HELZ: variants seen among roughly 807,000 people sequenced by gnomAD.
The protein encoded by HELZ is ATP-dependent RNA helicase with zinc finger domain.
In HELZ, 23 loss-of-function variants were observed where a neutral mutation model predicts 218.2. The observed-to-expected ratio is 0.11, with a 90% confidence interval of 0.08 to 0.15. HELZ has a LOEUF of 0.15. Ranked by LOEUF, HELZ falls within the 10% of genes least tolerant of loss-of-function variation. The probability of loss-of-function intolerance (pLI) is 1.00; values close to 1 mark genes in which losing one functional copy is unlikely to be tolerated. For missense variants in HELZ, 1,813 were observed against 2,353.7 expected (o/e 0.77, Z 4.75); for synonymous variants, 814 against 829.4 (o/e 0.98, Z 0.32).
chr17:67,201,847 T>C (rs553219668), intron 6 of HELZ, among the ~76,000 whole-genome samples: 112 of 152,318 alleles, frequency 7.4e-4, no homozygotes, highest in African/African-American at 2.6e-3. Context: ...AATTTTTCTA[T>C]GCTAATACAT....
chr17:67,194,217 T>C (rs372592113), intron 8 of HELZ, among the ~76,000 whole-genome samples, 175 bp from the exon 9 acceptor site: 4 of 152,126 alleles, frequency 2.6e-5, no homozygotes, highest in East Asian at 1.9e-4. Context: ...ACATAAAACA[T>C]AGGAATCACT....
Position 67,075,548 on chromosome 17 carries a change from A to G in HELZ, c.*2704T>C, listed in dbSNP as rs1198477363. The G allele has an allele frequency of 6.6e-6, 1 of 152,228 alleles. No individual in the cohort carries two copies. The highest frequency in any genetic ancestry group is 2.4e-5 in the African/African-American group (1 of 41,460). The allele number at this position is 152,228 out of a possible 1,614,324, so 9.4% of individuals were successfully genotyped here. ...ACTACTACTCAAGTAATACCCAAAG[A>G]ACATCAGCTGTACTCAGAAGACACG... On this transcript the variant is annotated 3_prime_UTR_variant, in exon 33 of 33. Coordinates refer to ENST00000358691, the MANE Select transcript of HELZ (RefSeq NM_014877.4).
At chr17:67,241,167 A>G (rs886185892) in intron 2 of HELZ, among the ~76,000 whole-genome samples, 2 of 152,230 alleles carry the variant, frequency 1.3e-5, no homozygotes, top group African/African-American at 4.8e-5. Flanking sequence ...ATTTCAAAAC[A>G]TTACTTAGAA....
Position 67,188,069 on chromosome 17 carries a change from G to T in HELZ, c.1162+250C>A. On this transcript the variant is annotated intron_variant, in intron 12 of 32. Coordinates refer to ENST00000358691, the MANE Select transcript of HELZ (RefSeq NM_014877.4). This position sits in a 1 kb window ranked among gnomAD's most constrained non-coding sequence, Gnocchi z 4.1. ...AAATGAAACTGGTAGACCAAAACAG[G>T]TCTGATCATCTACTCATACAAGTTT... The T allele has an allele frequency of 2.5e-6, 1 of 407,422 alleles. No homozygotes were observed. The highest frequency in any genetic ancestry group is 4.4e-6 in the Non-Finnish European group (1 of 226,898). 25.2% of individuals were successfully genotyped at this position (407,422 alleles called of 1,614,324 possible). A position where few individuals can be genotyped will look rare whatever the true frequency, so the allele number is the denominator to read the frequency against.
chr17:67,165,241 T>C (rs991006867), intron 15 of HELZ, among the ~76,000 whole-genome samples: 1 of 152,054 alleles, frequency 6.6e-6, no homozygotes, highest in African/African-American at 2.4e-5. Context: ...ACAGTAAGAG[T>C]AAGCAAAACA....
chr17:67,131,766 C>T (rs906315148), intron 23 of HELZ, among the ~76,000 whole-genome samples: 1 of 152,126 alleles, frequency 6.6e-6, no homozygotes, highest in Non-Finnish European at 1.5e-5. Context: ...ATTTGTGTCT[C>T]ACTTCTAAAC....
At chr17:67,090,082 T>C (rs563294818) in intron 31 of HELZ, among the ~76,000 whole-genome samples, 1 of 152,260 alleles carries the variant, frequency 6.6e-6, no homozygotes, top group African/African-American at 2.4e-5. Flanking sequence ...AAGAAGTTCC[T>C]TTCCATTTCT....
chr17:67,181,031 G>C (rs779472811), intron 12 of HELZ, among the ~76,000 whole-genome samples: 2 of 151,892 alleles, frequency 1.3e-5, no homozygotes, highest in Admixed American at 1.3e-4. Flanking sequence ...CCAGCCTGGC[G>C]ACAGAGCCAG....
rs148528841 is a variant in HELZ, at chr17:67,138,061, C to T, written c.2823G>A (p.Ala941=). ...TACTGCCATCATCTAACTTCCCCCA[C>T]GCTACTGGCCACTTCCTTCTTAACT... The part of the protein sequence containing the change: ...VEELRRKWPV[A]WGKLDDGSIG... Residue 941 remains alanine (A), a synonymous_variant, in exon 22 of 33, where the codon GCG becomes GCA. Coordinates refer to ENST00000358691, the MANE Select transcript of HELZ (RefSeq NM_014877.4). 2.4e-4 allele frequency: 385 copies of T among 1,613,840 alleles called. 3 individuals are homozygous for T. In the East Asian group the frequency reaches 5.0e-3, roughly 21 times the overall value.
At chr17:67,131,311 C>G (rs949857880) in intron 23 of HELZ, among the ~76,000 whole-genome samples, 1 of 152,168 alleles carries the variant, frequency 6.6e-6, no homozygotes, top group Admixed American at 6.5e-5. Context: ...GTTCCTATAT[C>G]ACCCTCACTG....
At chr17:67,223,241 CAG>C (rs1355662567) in intron 3 of HELZ, among the ~76,000 whole-genome samples, 1 of 151,822 alleles carries the variant, frequency 6.6e-6, no homozygotes. Context: ...GCCTGGGCAA[CAG>C]AGCGAGATTC....
At chr17:67,167,304 CTGGGAGTTACTACAGG>C (rs1280590241) in intron 14 of HELZ, among the ~76,000 whole-genome samples, 143 bp downstream of exon 14, 2 of 152,180 alleles carry the variant, frequency 1.3e-5, no homozygotes, top group African/African-American at 2.4e-5. Flanking sequence ...TCACTTTTCT[CTGGGAGTTACTACAGG>C]TGCAATTTTC....
intron 20 of HELZ, 73 bp from the exon 21 acceptor site, chr17:67,145,963 A>AC: frequency 7.4e-7 from 1 of 1,357,070 alleles, no homozygotes; most frequent in Non-Finnish European, 1.0e-6. Flanking sequence ...AGAAAAAAAA[A>AC]ATCAGTCGAT....
chr17:67,241,714 A>G (rs987599918), intron 2 of HELZ, among the ~76,000 whole-genome samples: 1 of 152,234 alleles, frequency 6.6e-6, no homozygotes, highest in African/African-American at 2.4e-5. Flanking sequence ...TTACCAGCTA[A>G]TAGAAAGGTA....
At chr17:67,172,945 G>T in intron 13 of HELZ, 1 of 511,928 alleles carries the variant, frequency 2.0e-6, no homozygotes, top group Non-Finnish European at 2.5e-6. Context: ...GTCTATTTGA[G>T]AATCACCATC....
chr17:67,137,206 T>G (rs756598362), intron 22 of HELZ, among the ~76,000 whole-genome samples: 9 of 152,208 alleles, frequency 5.9e-5, no homozygotes, highest in Non-Finnish European at 1.0e-4. Context: ...AATACAATGC[T>G]GATGTCAATC....
rs1002122052 is a variant in HELZ, at chr17:67,074,455, A to G, written c.*3797T>C. The stretch of plus-strand genomic sequence containing the variant: ...AGTAAGTCTAATTTTCTTAATAACA[A>G]TGGTTGAAATACTAAAATTTATCTT... On this transcript the variant is annotated 3_prime_UTR_variant, in exon 33 of 33. Transcript: ENST00000358691. 1.3e-5 allele frequency: 2 copies of G among 152,168 alleles called. No homozygotes were observed. The highest frequency in any genetic ancestry group is 4.8e-5 in the African/African-American group (2 of 41,442). 9.4% of individuals were successfully genotyped at this position (152,168 alleles called of 1,614,324 possible).
chr17:67,174,457 T>C lies in HELZ; in HGVS notation c.1430+4202A>G, dbSNP rs138413314. ...TCTCTTGCAACCCTTACCATCAAAA[T>C]GTAAGAAACTAGTATGAAGCCCCTT... On this transcript the variant is annotated intron_variant, in intron 13 of 32. Transcript: ENST00000358691. Among the ~76,000 whole-genome samples the C allele has an allele frequency of 2.1e-3, 325 of 152,194 alleles. 2 individuals carry two copies. The highest frequency in any genetic ancestry group is 7.7e-3 in the African/African-American group (318 of 41,530).
intron 6 of HELZ, among the ~76,000 whole-genome samples, chr17:67,202,967 T>A (rs1006905993): frequency 2.0e-5 from 3 of 151,278 alleles, no homozygotes; most frequent in Non-Finnish European, 4.4e-5. Flanking sequence ...CTACAAAAAG[T>A]CAAAAATTAG....
Sources: allele counts gnomAD v4.1 joint callset (sites outside exome capture counted in the v4.1 genomes callset), GRCh38; gene constraint gnomAD v4.1.1; non-coding constraint Gnocchi (gnomAD v3.1); transcripts MANE v1.5; gene names NCBI Gene and HGNC (gene_info 2026-07-23, HGNC 2026-07-21).